The following SAMD4A variants were observed in gnomAD, a reference collection of about 807,000 sequenced individuals.
SAMD4A encodes the protein protein Smaug homolog 1.
SAMD4A carries 33 observed loss-of-function variants against 81.3 expected under a neutral mutation model. That is an observed-to-expected ratio of 0.41 (90% confidence interval 0.31 to 0.54). The LOEUF (loss-of-function observed/expected upper bound fraction) is 0.54, where lower values mean the gene tolerates loss of function less well. Among genes scored for constraint, SAMD4A ranks in the 20% least tolerant of loss-of-function variants. The pLI, the probability that SAMD4A is intolerant of heterozygous loss-of-function variation, is 0.37. For missense variants in SAMD4A, 854 were observed against 951.1 expected (o/e 0.90, Z 1.34); for synonymous variants, 389 against 382.1 (o/e 1.02, Z -0.21).
At chr14:54,646,254 A>C (rs1329210189) in intron 2 of SAMD4A, among the ~76,000 whole-genome samples, 1 of 152,226 alleles carries the variant, frequency 6.6e-6, no homozygotes, top group Non-Finnish European at 1.5e-5. Flanking sequence ...ATTATGTGTC[A>C]GTGCAAATGA....
At chr14:54,622,067 T>C (rs1042281928) in intron 2 of SAMD4A, among the ~76,000 whole-genome samples, 4 of 151,926 alleles carry the variant, frequency 2.6e-5, no homozygotes, top group African/African-American at 9.7e-5. Flanking sequence ...CACACAGTCT[T>C]GATGATTTTC....
In SAMD4A at chr14:54,792,608, G is replaced by A. The variant is rs992211320; in HGVS notation, c.*3664G>A. The A allele has an allele frequency of 6.6e-6, 1 of 152,200 alleles. No individual in the cohort carries two copies. The highest frequency in any genetic ancestry group is 2.4e-5 in the African/African-American group (1 of 41,458). The allele number at this position is 152,200 out of a possible 1,614,324, so 9.4% of individuals were successfully genotyped here. A position where few individuals can be genotyped will look rare whatever the true frequency, so the allele number is the denominator to read the frequency against. On this transcript the variant is annotated 3_prime_UTR_variant, in exon 13 of 13. Coordinates refer to ENST00000554335, the MANE Select transcript of SAMD4A (RefSeq NM_015589.6). ...TAGCAGTCAGCTCCAGCTTGGGCCTGGGGAAGCAGCCTGACCAAGGCGCTC... is the reference window on the plus strand; with the variant it reads ...TAGCAGTCAGCTCCAGCTTGGGCCTAGGGAAGCAGCCTGACCAAGGCGCTC...
chr14:54,626,565 T>G (rs774826663), intron 2 of SAMD4A, among the ~76,000 whole-genome samples: 1 of 152,178 alleles, frequency 6.6e-6, no homozygotes, highest in African/African-American at 2.4e-5. Flanking sequence ...ACTTTGACTT[T>G]CCAAGTCGAA....
chr14:54,685,900 G>A (rs1426452985), intron 2 of SAMD4A: 5 of 455,548 alleles, frequency 1.1e-5, no homozygotes, highest in African/African-American at 1.0e-4. Context: ...AGGGAATTGG[G>A]ATGTTAAATT....
chr14:54,760,055 A>C lies in SAMD4A; in HGVS notation c.1177-106A>C. On this transcript the variant is annotated intron_variant, in intron 6 of 12. Transcript: ENST00000554335. ...CCAAAAACGTCCTGATGAGGGTACC[A>C]GCAGCCACGAATCCTGTAAGAGCTC... is the stretch of plus-strand genomic sequence containing the variant. 3.4e-6 allele frequency: 4 copies of C among 1,166,638 alleles called. No individual in the cohort carries two copies. In the South Asian group the frequency reaches 4.3e-5, roughly 13 times the overall value. 72.3% of individuals were successfully genotyped at this position (1,166,638 alleles called of 1,614,324 possible).
intron 2 of SAMD4A, among the ~76,000 whole-genome samples, chr14:54,592,925 CA>C (rs2033818431): frequency 6.6e-6 from 1 of 152,114 alleles, no homozygotes; most frequent in Non-Finnish European, 1.5e-5. Context: ...GTACTTTATA[CA>C]GTTTGTATTT....
chr14:54,755,225 A>G (rs764375104), intron 6 of SAMD4A, among the ~76,000 whole-genome samples: 1 of 152,184 alleles, frequency 6.6e-6, no homozygotes, highest in African/African-American at 2.4e-5. Flanking sequence ...TTTGAGTGTC[A>G]TAGTATTTGG....
In SAMD4A at chr14:54,702,048, A is replaced by C; in HGVS notation, c.197-14A>C. On this transcript the variant is annotated splice_polypyrimidine_tract_variant and intron_variant, in intron 2 of 12. Transcript: ENST00000554335. ...GTGTATTTGCTTATTTGCCGTGTAT[A>C]TTTCCCTTTTCAGGAATCATTAACC... The C allele has an allele frequency of 1.2e-6, 2 of 1,612,578 alleles. No homozygotes were observed. The highest frequency in any genetic ancestry group is 1.1e-5 in the South Asian group (1 of 90,970).
At chr14:54,758,091 G>A (rs1229874411) in intron 6 of SAMD4A, among the ~76,000 whole-genome samples, 1 of 148,946 alleles carries the variant, frequency 6.7e-6, no homozygotes, top group Non-Finnish European at 1.5e-5. Context: ...TGGCAGACGC[G>A]AAACTCTCCT....
At position 54,591,137 on chromosome 14, in the gene SAMD4A, G is replaced by A. The variant is rs553754812; in HGVS notation, c.196+23025G>A. Reference sequence around the variant, plus strand: ...TAGCACAGAATGATAGGGGTACGTCGTGCGATACATGAGATAGTTGTCCAC... The same window carrying A: ...TAGCACAGAATGATAGGGGTACGTCATGCGATACATGAGATAGTTGTCCAC... On this transcript the variant is annotated intron_variant, in intron 2 of 12. Transcript: ENST00000554335. Among the ~76,000 whole-genome samples, 29 of 152,250 alleles carry A rather than the reference G, an allele frequency of 1.9e-4. 1 individual carries two copies. The South Asian group carries it at 4.8e-3, about 25-fold the overall frequency.
intron 2 of SAMD4A, among the ~76,000 whole-genome samples, chr14:54,571,572 C>A (rs771634792): frequency 2.0e-5 from 3 of 152,010 alleles, no homozygotes; most frequent in Non-Finnish European, 4.4e-5. Context: ...ATAAGTTAAT[C>A]CACAAAAACG....
At chr14:54,755,745 C>T (rs1168676893) in intron 6 of SAMD4A, among the ~76,000 whole-genome samples, 2 of 152,128 alleles carry the variant, frequency 1.3e-5, no homozygotes, top group Non-Finnish European at 2.9e-5. Flanking sequence ...GAAGACTTCT[C>T]AAGATACGTG....
In SAMD4A at chr14:54,775,073, T is replaced by A; in HGVS notation, c.1855T>A (p.Phe619Ile). ...ARLGLLGTSG[F>I]VSSNQRNTTA... The stretch of plus-strand genomic sequence containing the variant: ...CCTGGGCCTCTTGGGCACCAGTGGA[T>A]TCGTCAGCTCCAACCAGCGCAACAC... Residue 619 changes from phenylalanine to isoleucine, a missense_variant, in exon 10 of 13, where the codon TTC (phenylalanine) becomes ATC (isoleucine). Physicochemically the swap from Phe to Ile is conservative, Grantham distance 21. Around this residue, in one of 3 missense-constraint regions of SAMD4A, gnomAD observed 428 missense variants for 471.2 expected, o/e 0.91. Coordinates refer to ENST00000554335, the MANE Select transcript of SAMD4A (RefSeq NM_015589.6). 2 of 1,614,118 alleles carry A rather than the reference T, an allele frequency of 1.2e-6. No individual in the cohort carries two copies. Among genetic ancestry groups the A allele is most frequent in the Middle Eastern group, 1.6e-4 (1 of 6,062 alleles).
intron 2 of SAMD4A, among the ~76,000 whole-genome samples, chr14:54,590,006 G>A (rs1251470199): frequency 2.6e-5 from 4 of 152,182 alleles, no homozygotes; most frequent in South Asian, 2.1e-4. Flanking sequence ...ATGCTAGAAC[G>A]TAAGGTCCAT....
At chr14:54,770,856 T>C (rs546899148) in intron 9 of SAMD4A, among the ~76,000 whole-genome samples, 1 of 152,232 alleles carries the variant, frequency 6.6e-6, no homozygotes, top group African/African-American at 2.4e-5. Context: ...CAGTGACAAT[T>C]TGTGGGAGAA....
chr14:54,719,230 C>T (rs969379602), intron 3 of SAMD4A, among the ~76,000 whole-genome samples: 2 of 152,032 alleles, frequency 1.3e-5, no homozygotes, highest in Admixed American at 1.3e-4. Context: ...AAGAACCCCA[C>T]TGCCAAGTCT....
chr14:54,769,481 T>G (rs919402535), intron 8 of SAMD4A, among the ~76,000 whole-genome samples: 3 of 152,198 alleles, frequency 2.0e-5, no homozygotes, highest in Non-Finnish European at 4.4e-5. Flanking sequence ...CACACCAGTT[T>G]TGCTAGAAAA....
In SAMD4A at chr14:54,789,240, T is replaced by G; in HGVS notation, c.*296T>G. On this transcript the variant is annotated 3_prime_UTR_variant, in exon 13 of 13. Coordinates refer to ENST00000554335, the MANE Select transcript of SAMD4A (RefSeq NM_015589.6). ...GGGGGGTGGAGGGAATGCAGGTAGC[T>G]CTCTGGATGGAACGGGGACAGGGGA... is the stretch of plus-strand genomic sequence containing the variant. 1.9e-6 allele frequency: 1 copy of G among 521,536 alleles called. No homozygotes were observed. Among genetic ancestry groups the G allele is most frequent in the Non-Finnish European group, 3.5e-6 (1 of 288,676 alleles). The allele number at this position is 521,536 out of a possible 1,614,324, so 32.3% of individuals were successfully genotyped here. A position where few individuals can be genotyped will look rare whatever the true frequency, so the allele number is the denominator to read the frequency against.
chr14:54,678,783 C>T (rs1361763176), intron 2 of SAMD4A, among the ~76,000 whole-genome samples: 1 of 152,058 alleles, frequency 6.6e-6, no homozygotes, highest in Admixed American at 6.5e-5. Context: ...CTCCTGACCT[C>T]GTGATCCGCC....
Sources: allele counts gnomAD v4.1 joint callset (sites outside exome capture counted in the v4.1 genomes callset), GRCh38; gene constraint gnomAD v4.1.1; regional missense constraint gnomAD v4.1.1; transcripts MANE v1.5; gene names NCBI Gene and HGNC (gene_info 2026-07-23, HGNC 2026-07-21).